LUZP2: variants seen among roughly 807,000 people sequenced by gnomAD.
LUZP2 encodes the protein leucine zipper protein 2.
Under a neutral mutation model 51.6 loss-of-function variants are expected in LUZP2, and 52 were observed. The ratio of observed to expected loss-of-function variants is 1.01; its 90% CI spans 0.81 to 1.27. The LOEUF is 1.27. Ranked by LOEUF, LUZP2 falls within the 50% of genes most tolerant of loss-of-function variation. The probability of loss-of-function intolerance (pLI) is 0.00; values close to 1 mark genes in which losing one functional copy is unlikely to be tolerated. For synonymous variants in LUZP2, 154 were observed against 137.3 expected (o/e 1.12, Z -0.85); for missense variants, 436 against 395.4 (o/e 1.10, Z -0.87).
intron 1 of LUZP2, among the ~76,000 whole-genome samples, chr11:24,583,970 C>A (rs1202718276): frequency 6.6e-6 from 1 of 152,012 alleles, no homozygotes; most frequent in Non-Finnish European, 1.5e-5. Flanking sequence ...TCTCGGCCTC[C>A]CAAAGTGCTG....
At chr11:24,585,469 A>C (rs1266127819) in intron 1 of LUZP2, among the ~76,000 whole-genome samples, 2 of 152,130 alleles carry the variant, frequency 1.3e-5, no homozygotes, top group Non-Finnish European at 2.9e-5. Flanking sequence ...AATTGCTTAA[A>C]CCAACAGAAA....
At chr11:24,920,002 A>G (rs1312378416) in intron 7 of LUZP2, among the ~76,000 whole-genome samples, 1 of 151,976 alleles carries the variant, frequency 6.6e-6, no homozygotes, top group Non-Finnish European at 1.5e-5. Flanking sequence ...TTCCTTTAAG[A>G]GATTATAAAG....
At chr11:24,922,694 T>A (rs1854094726) in intron 7 of LUZP2, among the ~76,000 whole-genome samples, 1 of 152,148 alleles carries the variant, frequency 6.6e-6, no homozygotes. Flanking sequence ...CACATTCATT[T>A]GTGCGTCAAA....
chr11:24,872,629 T>TA (rs1335715766), intron 5 of LUZP2, among the ~76,000 whole-genome samples: 1 of 152,142 alleles, frequency 6.6e-6, no homozygotes, highest in African/African-American at 2.4e-5. Context: ...TAGAAGCACT[T>TA]ATGGATTTTT....
At chr11:25,007,593 A>G (rs1396184606) in intron 9 of LUZP2, among the ~76,000 whole-genome samples, 3 of 148,750 alleles carry the variant, frequency 2.0e-5, no homozygotes, top group Non-Finnish European at 4.5e-5. Context: ...ACAAAGCAAG[A>G]CTCCATCTCA....
intron 9 of LUZP2, among the ~76,000 whole-genome samples, chr11:25,022,612 A>G (rs1857371005): frequency 2.0e-5 from 3 of 152,084 alleles, no homozygotes; most frequent in Admixed American, 2.0e-4. Flanking sequence ...ATCTCATTTT[A>G]AAAACTATTA....
At chr11:24,724,944 T>G (rs1326207043) in intron 1 of LUZP2, among the ~76,000 whole-genome samples, 1 of 152,066 alleles carries the variant, frequency 6.6e-6, no homozygotes, top group East Asian at 1.9e-4. Context: ...AATGAGTAAA[T>G]GTAAAGAATT....
At chr11:24,835,965 TA>T (rs1564964326) in intron 5 of LUZP2, among the ~76,000 whole-genome samples, 2 of 152,084 alleles carry the variant, frequency 1.3e-5, no homozygotes, top group South Asian at 4.1e-4. Flanking sequence ...GAAGGAAGAT[TA>T]AAAAATTTAA....
intron 1 of LUZP2, among the ~76,000 whole-genome samples, chr11:24,607,523 T>C (rs1486741251): frequency 6.6e-6 from 1 of 152,042 alleles, no homozygotes; most frequent in Non-Finnish European, 1.5e-5. Flanking sequence ...TATGTCAGTG[T>C]GATACTGTTT....
chr11:24,688,076 T>C lies in LUZP2; in HGVS notation c.63-41093T>C, dbSNP rs150274926. On this transcript the variant is annotated intron_variant, in intron 1 of 11. Coordinates refer to ENST00000336930, the MANE Select transcript of LUZP2 (RefSeq NM_001009909.4). ...GTCATTCTCCCCTTGAGCTAGTCAC[T>C]GGTCAAGGTCAGGTATATTCTCTTT... is the stretch of plus-strand genomic sequence containing the variant. 6.6e-4 allele frequency among the ~76,000 whole-genome samples: 100 copies of C among 152,244 alleles called. 2 individuals are homozygous for C. In the South Asian group the frequency reaches 0.013, roughly 21 times the overall value.
At chr11:24,628,847 T>G (rs978257854) in intron 1 of LUZP2, among the ~76,000 whole-genome samples, 11 of 152,068 alleles carry the variant, frequency 7.2e-5, no homozygotes, top group African/African-American at 2.7e-4. Flanking sequence ...GCATGAGGCC[T>G]CTTGCCCGGC....
chr11:24,657,995 C>T (rs908615825), intron 1 of LUZP2, among the ~76,000 whole-genome samples: 3 of 152,134 alleles, frequency 2.0e-5, no homozygotes, highest in African/African-American at 4.8e-5. Context: ...AATGGCCGTA[C>T]TGCCCAAGGT....
At chr11:24,892,431 A>G (rs1344821591) in intron 5 of LUZP2, 51 of 968,258 alleles carry the variant, frequency 5.3e-5, no homozygotes, top group Non-Finnish European at 5.9e-5. Flanking sequence ...TATAAAAATT[A>G]AAATTTATAA....
At chr11:24,582,504 C>T (rs1011943466) in intron 1 of LUZP2, among the ~76,000 whole-genome samples, 8 of 151,928 alleles carry the variant, frequency 5.3e-5, no homozygotes, top group Non-Finnish European at 1.2e-4. Flanking sequence ...ACCAAAATAT[C>T]TTCTACTTTC....
chr11:24,988,091 C>T (rs1856237967), intron 9 of LUZP2, among the ~76,000 whole-genome samples: 2 of 151,958 alleles, frequency 1.3e-5, no homozygotes, highest in Admixed American at 6.6e-5. Flanking sequence ...TACTTCTCTG[C>T]TTCTAGAAGA....
chr11:24,966,462 A>G (rs572677515), intron 7 of LUZP2, among the ~76,000 whole-genome samples: 5 of 150,530 alleles, frequency 3.3e-5, no homozygotes, highest in African/African-American at 9.7e-5. Flanking sequence ...TTTAAGAAAT[A>G]TTTGTCTATC....
At chr11:25,029,072 C>T (rs1857575365) in intron 9 of LUZP2, among the ~76,000 whole-genome samples, 1 of 152,014 alleles carries the variant, frequency 6.6e-6, no homozygotes, top group African/African-American at 2.4e-5. Flanking sequence ...AAATGGCTAC[C>T]AGAGGCTGGG....
At chr11:24,928,369 A>G (rs763219893) in intron 7 of LUZP2, among the ~76,000 whole-genome samples, 1 of 151,940 alleles carries the variant, frequency 6.6e-6, no homozygotes, top group Non-Finnish European at 1.5e-5. Flanking sequence ...GTTTGTCCTC[A>G]TAGATGGCTT....
intron 1 of LUZP2, among the ~76,000 whole-genome samples, chr11:24,561,083 A>C (rs1852024933): frequency 6.6e-6 from 1 of 152,210 alleles, no homozygotes; most frequent in Admixed American, 6.6e-5. Flanking sequence ...CAATGTTGAA[A>C]AATTCTAAAA....
Sources: allele counts gnomAD v4.1 joint callset (sites outside exome capture counted in the v4.1 genomes callset), GRCh38; gene constraint gnomAD v4.1.1; transcripts MANE v1.5; gene names NCBI Gene and HGNC (gene_info 2026-07-23, HGNC 2026-07-21).